Variants in MNAT1 observed in about 807,000 individuals in gnomAD.
The protein encoded by MNAT1 is MNAT1 component of CDK activating kinase.
A neutral mutation model predicts 42.0 loss-of-function variants in MNAT1; 43 were observed. That is an observed-to-expected ratio of 1.02 (90% confidence interval 0.80 to 1.32). The LOEUF (loss-of-function observed/expected upper bound fraction) is 1.32. Among genes scored for constraint, MNAT1 ranks in the 40% most tolerant of loss-of-function variants. The probability of loss-of-function intolerance (pLI) is 0.00; values close to 1 mark genes in which losing one functional copy is unlikely to be tolerated. For synonymous variants in MNAT1, 118 were observed against 120.0 expected (o/e 0.98, Z 0.11); for missense variants, 306 against 350.4 (o/e 0.87, Z 1.01).
chr14:60,795,280 A>G (rs1007247478), intron 1 of MNAT1, among the ~76,000 whole-genome samples: 1 of 152,172 alleles, frequency 6.6e-6, no homozygotes, highest in Non-Finnish European at 1.5e-5. Context: ...CTCTCCTCCC[A>G]TCCATCTTTG....
At chr14:60,940,505 C>A (rs926266460) in intron 7 of MNAT1, among the ~76,000 whole-genome samples, 1 of 152,202 alleles carries the variant, frequency 6.6e-6, no homozygotes, top group African/African-American at 2.4e-5. Context: ...GCAAGCTCTG[C>A]CTCCCAGGTT....
intron 7 of MNAT1, among the ~76,000 whole-genome samples, chr14:60,897,651 T>G (rs1475341426): frequency 6.6e-6 from 1 of 152,166 alleles, no homozygotes. Flanking sequence ...GGGGTACATG[T>G]GAATATTTTT....
intron 3 of MNAT1, among the ~76,000 whole-genome samples, chr14:60,807,593 A>G (rs1323017737): frequency 6.6e-6 from 1 of 152,204 alleles, no homozygotes. Context: ...TCAGAGTATT[A>G]TAGTAACTTT....
intron 7 of MNAT1, among the ~76,000 whole-genome samples, chr14:60,881,523 T>C (rs945383560): frequency 2.0e-5 from 3 of 152,130 alleles, no homozygotes; most frequent in African/African-American, 7.2e-5. Flanking sequence ...GCTGGTGTTT[T>C]GTCAGGGATT....
At chr14:60,832,489 G>T (rs1296125533) in intron 6 of MNAT1, among the ~76,000 whole-genome samples, 1 of 152,130 alleles carries the variant, frequency 6.6e-6, no homozygotes, top group African/African-American at 2.4e-5. Context: ...GATGGTTGTA[G>T]ATGTGTGGCG....
At chr14:60,914,608 A>G (rs2035471660) in intron 7 of MNAT1, among the ~76,000 whole-genome samples, 1 of 152,132 alleles carries the variant, frequency 6.6e-6, no homozygotes, top group African/African-American at 2.4e-5. Flanking sequence ...GCAGCTGCCT[A>G]ATAGAGTCCA....
intron 7 of MNAT1, among the ~76,000 whole-genome samples, chr14:60,956,149 A>C (rs1201984406): frequency 2.0e-5 from 3 of 151,962 alleles, no homozygotes; most frequent in Non-Finnish European, 4.4e-5. Context: ...TAAATTTCTC[A>C]GGACTGCTTT....
At chr14:60,911,676 G>A (rs2035367189) in intron 7 of MNAT1, among the ~76,000 whole-genome samples, 1 of 152,184 alleles carries the variant, frequency 6.6e-6, no homozygotes, top group South Asian at 2.1e-4. Context: ...CTGCACTGTG[G>A]TCTGAGAGAC....
chr14:60,785,165 T>C (rs1403662780), intron 1 of MNAT1, among the ~76,000 whole-genome samples: 1 of 152,236 alleles, frequency 6.6e-6, no homozygotes, highest in Admixed American at 6.5e-5. Context: ...CAGTGAACAT[T>C]TACTATGTAT....
rs376660138 is a variant in MNAT1 at position 60,962,664 on chromosome 14, A to G, written c.810-5565A>G. 5.3e-5 allele frequency among the ~76,000 whole-genome samples: 8 copies of G among 152,354 alleles called. No homozygotes were observed. In the East Asian group the frequency reaches 1.2e-3, roughly 22 times the overall value. ...GTATAACTGGACTTATACTCCAGTT[A>G]TAAGGCAGAAAGTCTTCTCCGAGCA... On this transcript the variant is annotated intron_variant, in intron 7 of 7. Transcript: ENST00000261245.
At chr14:60,779,226 A>G (rs2031358541) in intron 1 of MNAT1, among the ~76,000 whole-genome samples, 1 of 152,204 alleles carries the variant, frequency 6.6e-6, no homozygotes, top group South Asian at 2.1e-4. Context: ...TGGTGTTCCT[A>G]AGCCCATTAT....
At chr14:60,857,826 T>G (rs759722212) in intron 6 of MNAT1, among the ~76,000 whole-genome samples, 3 of 152,092 alleles carry the variant, frequency 2.0e-5, no homozygotes, top group Non-Finnish European at 4.4e-5. Context: ...CATGCGGTGT[T>G]TGGTTTTCTG....
intron 7 of MNAT1, among the ~76,000 whole-genome samples, chr14:60,898,134 TGTGTGTGC>T (rs60261472): frequency 0.67 from 77,218 of 115,964 alleles, 24,068 homozygotes; most frequent in Non-Finnish European, 0.74. Flanking sequence ...TGTGTGTGTG[TGTGTGTGC>T]GCGCGCCACA....
intron 7 of MNAT1, among the ~76,000 whole-genome samples, chr14:60,961,237 C>T (rs2036585740): frequency 6.6e-6 from 1 of 152,244 alleles, no homozygotes; most frequent in Admixed American, 6.5e-5. Context: ...GCTGGGATTA[C>T]AGGCATGAGC....
chr14:60,780,644 C>T (rs2031425226), intron 1 of MNAT1: 1 of 1,168,916 alleles, frequency 8.6e-7, no homozygotes, highest in Middle Eastern at 3.0e-4. Context: ...TGTGGTTTTC[C>T]TGAAATCAAG....
chr14:60,912,477 G>A (rs1355498356), intron 7 of MNAT1, among the ~76,000 whole-genome samples: 1 of 152,180 alleles, frequency 6.6e-6, no homozygotes, highest in East Asian at 1.9e-4. Flanking sequence ...TCCTTTCCAT[G>A]TTTAGTGCTT....
chr14:60,883,360 C>G (rs901861949), intron 7 of MNAT1, among the ~76,000 whole-genome samples: 3 of 152,132 alleles, frequency 2.0e-5, no homozygotes, highest in Non-Finnish European at 2.9e-5. Flanking sequence ...ATGGTCTTGG[C>G]ACTTTTGTCA....
intron 1 of MNAT1, among the ~76,000 whole-genome samples, chr14:60,744,942 C>A (rs1896572095): frequency 6.6e-6 from 1 of 152,168 alleles, no homozygotes; most frequent in South Asian, 2.1e-4. Flanking sequence ...CCTCTCTTAA[C>A]CACTCTCTTT....
At chr14:60,900,053 TC>T (rs2035041629) in intron 7 of MNAT1, among the ~76,000 whole-genome samples, 1 of 134,492 alleles carries the variant, frequency 7.4e-6, no homozygotes, top group African/African-American at 2.8e-5. Flanking sequence ...TCCCCATCTC[TC>T]TCTCTCTCTC....
Sources: allele counts gnomAD v4.1 joint callset (sites outside exome capture counted in the v4.1 genomes callset), GRCh38; gene constraint gnomAD v4.1.1; transcripts MANE v1.5; gene names NCBI Gene and HGNC (gene_info 2026-07-23, HGNC 2026-07-21).